The following PMFBP1 variants were observed in gnomAD, a reference collection of about 807,000 sequenced individuals.
PMFBP1 encodes the protein polyamine modulated factor 1 binding protein 1.
In PMFBP1, 131 loss-of-function variants were observed where a neutral mutation model predicts 137.8. The ratio of observed to expected loss-of-function variants is 0.95; its 90% confidence interval spans 0.82 to 1.10. The LOEUF (loss-of-function observed/expected upper bound fraction) is 1.10, where lower values mean the gene tolerates loss of function less well. Among genes scored for constraint, PMFBP1 ranks in the 50% least tolerant of loss-of-function variants. The probability of loss-of-function intolerance (pLI) is 0.00; values close to 1 mark genes in which losing one functional copy is unlikely to be tolerated. For missense variants in PMFBP1, 1,199 were observed against 1,175.4 expected, an observed-to-expected ratio of 1.02 and a Z score of -0.29; for synonymous variants, 490 against 450.4, an observed-to-expected ratio of 1.09 and a Z score of -1.11.
intron 10 of PMFBP1, among the ~76,000 whole-genome samples, chr16:72,132,074 G>A (rs1487412968): frequency 6.6e-6 from 1 of 152,050 alleles, no homozygotes; most frequent in African/African-American, 2.4e-5. Flanking sequence ...TGAACTCCTG[G>A]GCTCAAGTGA....
At chr16:72,208,111 G>T in the PMFBP1 span, among the ~76,000 whole-genome samples, 1 of 152,170 alleles carries the variant, frequency 6.6e-6, no homozygotes, top group Non-Finnish European at 1.5e-5. Flanking sequence ...GCTTTACTCA[G>T]TCCACCAATT....
chr16:72,125,507 C>T (rs1475872728), intron 15 of PMFBP1, 102 bp from the exon 16 acceptor site: 1 of 1,324,898 alleles, frequency 7.5e-7, no homozygotes. Context: ...GTCCTCTGCC[C>T]AGGGTGACAC....
chr16:72,170,505 C>G (rs1363637274), intron 2 of PMFBP1, among the ~76,000 whole-genome samples: 2 of 152,194 alleles, frequency 1.3e-5, no homozygotes, highest in African/African-American at 4.8e-5. Flanking sequence ...TCATGGCTCA[C>G]TGCAGCTTCA....
At chr16:72,168,996 A>G (rs1261863512) in intron 2 of PMFBP1, among the ~76,000 whole-genome samples, 1 of 152,244 alleles carries the variant, frequency 6.6e-6, no homozygotes, top group Non-Finnish European at 1.5e-5. Flanking sequence ...GGGGGAAGCT[A>G]ATGTTAAATT....
At chr16:72,151,053 A>G (rs1158333138) in intron 4 of PMFBP1, among the ~76,000 whole-genome samples, 1 of 152,272 alleles carries the variant, frequency 6.6e-6, no homozygotes, top group East Asian at 1.9e-4. Flanking sequence ...CCTTCAAGGC[A>G]GGATCATATC....
intron 5 of PMFBP1, 149 bp from the exon 6 acceptor site, chr16:72,140,731 T>A (rs931653821): frequency 4.4e-6 from 3 of 686,792 alleles, no homozygotes; most frequent in Admixed American, 2.9e-5. Flanking sequence ...ACAAAAAATA[T>A]TAACTAGTGC....
At chr16:72,167,543 A>C (rs1400320544) in intron 2 of PMFBP1, among the ~76,000 whole-genome samples, 1 of 152,208 alleles carries the variant, frequency 6.6e-6, no homozygotes, top group Non-Finnish European at 1.5e-5. Context: ...CTGTTTTCTA[A>C]CTTGGAAACA....
At chr16:72,237,902 G>C in the PMFBP1 span, among the ~76,000 whole-genome samples, 2 of 152,082 alleles carry the variant, frequency 1.3e-5, no homozygotes, top group Non-Finnish European at 2.9e-5. Context: ...GTGGTATTTG[G>C]TTTTCTGTTC....
chr16:72,172,991 CA>C (rs371090389), upstream of PMFBP1, among the ~76,000 whole-genome samples: 9 of 152,308 alleles, frequency 5.9e-5, 1 homozygote, highest in African/African-American at 2.2e-4. Context: ...GGCGAACTCA[CA>C]AATGACTTCC....
At chr16:72,163,345 G>GT (rs2043091919) in intron 3 of PMFBP1, among the ~76,000 whole-genome samples, 1 of 152,232 alleles carries the variant, frequency 6.6e-6, no homozygotes, top group African/African-American at 2.4e-5. Flanking sequence ...AAAGACCTTA[G>GT]ATTTAGAGCT....
chr16:72,249,272 C>T, the PMFBP1 span, among the ~76,000 whole-genome samples: 1 of 151,312 alleles, frequency 6.6e-6, no homozygotes, highest in Non-Finnish European at 1.5e-5. Context: ...GAGATGTCAC[C>T]TCAGGACTTT....
the PMFBP1 span, among the ~76,000 whole-genome samples, chr16:72,184,302 G>C: frequency 6.6e-6 from 1 of 152,032 alleles, no homozygotes; most frequent in Admixed American, 6.5e-5. Context: ...TCTCCATCTG[G>C]AGCTCCAGAT....
chr16:72,167,387 T>TCTTG (rs2144514844), intron 2 of PMFBP1, among the ~76,000 whole-genome samples: 1 of 152,248 alleles, frequency 6.6e-6, no homozygotes, highest in East Asian at 1.9e-4. Flanking sequence ...CCTCCTCCTC[T>TCTTG]CTTGCTCCTA....
the PMFBP1 span, among the ~76,000 whole-genome samples, chr16:72,201,999 G>C: frequency 6.6e-6 from 1 of 152,178 alleles, no homozygotes; most frequent in Non-Finnish European, 1.5e-5. Flanking sequence ...CCTTGTAATA[G>C]AGTTATTTAT....
the PMFBP1 span, among the ~76,000 whole-genome samples, chr16:72,238,770 A>G: frequency 6.6e-6 from 1 of 152,176 alleles, no homozygotes; most frequent in Non-Finnish European, 1.5e-5. Flanking sequence ...TAAAATAACA[A>G]CCATTCACTC....
chr16:72,133,976 G>A (rs1326162598), intron 9 of PMFBP1, among the ~76,000 whole-genome samples: 8 of 152,102 alleles, frequency 5.3e-5, no homozygotes, highest in Non-Finnish European at 1.2e-4. Context: ...TGTTAGCCAG[G>A]CATGGTGGCA....
chr16:72,193,966 G>A, the PMFBP1 span, among the ~76,000 whole-genome samples: 1 of 149,684 alleles, frequency 6.7e-6, no homozygotes, highest in Non-Finnish European at 1.5e-5. Flanking sequence ...GGCAGGTATG[G>A]TAATTATCAA....
the PMFBP1 span, among the ~76,000 whole-genome samples, chr16:72,197,300 G>A: frequency 6.6e-6 from 1 of 152,200 alleles, no homozygotes; most frequent in Non-Finnish European, 1.5e-5. Flanking sequence ...CATATTTAAT[G>A]TGCTTGACTA....
intron 10 of PMFBP1, among the ~76,000 whole-genome samples, chr16:72,131,602 C>T (rs956283295): frequency 2.6e-5 from 4 of 151,830 alleles, no homozygotes; most frequent in South Asian, 2.1e-4. Flanking sequence ...CACTGAGGAA[C>T]GAGTAAGAAG....
Sources: allele counts gnomAD v4.1 joint callset (sites outside exome capture counted in the v4.1 genomes callset), GRCh38; gene constraint gnomAD v4.1.1; transcripts MANE v1.5; gene names NCBI Gene and HGNC (gene_info 2026-07-23, HGNC 2026-07-21).